The following ANO10 variants were observed in gnomAD, a reference collection of about 807,000 sequenced individuals.
ANO10 encodes anoctamin 10.
In ANO10, 77 loss-of-function variants were observed where a neutral mutation model predicts 74.7. That is an observed-to-expected ratio of 1.03 (90% CI 0.86 to 1.25). ANO10 has a LOEUF of 1.25. Among genes scored for constraint, ANO10 ranks in the 50% most tolerant of loss-of-function variants. ANO10 has a pLI of 0.00. For missense variants in ANO10, 721 were observed against 778.1 expected (o/e 0.93, Z 0.87); for synonymous variants, 279 against 284.9 (o/e 0.98, Z 0.21).
At chr3:43,567,626 C>A (rs1254091926) in intron 7 of ANO10, among the ~76,000 whole-genome samples, 2 of 151,952 alleles carry the variant, frequency 1.3e-5, no homozygotes, top group Non-Finnish European at 2.9e-5. Context: ...TATAGACAAG[C>A]AAATGCTGAG....
intron 1 of ANO10, among the ~76,000 whole-genome samples, chr3:43,655,398 C>A (rs2083837434): frequency 6.6e-6 from 1 of 152,172 alleles, no homozygotes; most frequent in African/African-American, 2.4e-5. Context: ...AGTGTTACAG[C>A]TCATAAAAGC....
At chr3:43,592,796 C>T (rs1437042776) in intron 4 of ANO10, among the ~76,000 whole-genome samples, 2 of 152,152 alleles carry the variant, frequency 1.3e-5, no homozygotes, top group African/African-American at 2.4e-5. Flanking sequence ...TGGGTAATAA[C>T]GAACTTCTCC....
chr3:43,386,534 G>T (rs1037460478), intron 12 of ANO10, among the ~76,000 whole-genome samples: 1 of 152,136 alleles, frequency 6.6e-6, no homozygotes, highest in African/African-American at 2.4e-5. Flanking sequence ...TGTGTGCTGG[G>T]TCTCTGCAGG....
Position 43,375,871 on chromosome 3 carries a change from A to G in ANO10, c.1915-8897T>C, listed in dbSNP as rs2091787325. Among the ~76,000 whole-genome samples, 3 of 152,300 alleles carry G rather than the reference A, an allele frequency of 2.0e-5. No homozygotes were observed. The South Asian group carries it at 6.2e-4, about 32-fold the overall frequency. Reference sequence around the variant, plus strand: ...GCCATATAATATTTTTTGTTTGTTCATTTTTGTTTGTTTTTACAACTTTGT... The same window carrying G: ...GCCATATAATATTTTTTGTTTGTTCGTTTTTGTTTGTTTTTACAACTTTGT... On this transcript the variant is annotated intron_variant, in intron 12 of 12. Transcript: ENST00000292246.
intron 11 of ANO10, among the ~76,000 whole-genome samples, chr3:43,443,684 T>TC (rs2093197431): frequency 6.8e-6 from 1 of 147,272 alleles, no homozygotes. Context: ...TCCTTCTTTT[T>TC]TTTTTTTTTT....
chr3:43,431,877 G>A (rs763598969), intron 12 of ANO10, among the ~76,000 whole-genome samples: 157 of 152,080 alleles, frequency 1.0e-3, no homozygotes, highest in Non-Finnish European at 1.0e-3. Flanking sequence ...CTCCCCAAAT[G>A]TAAGAAGAAA....
intron 11 of ANO10, among the ~76,000 whole-genome samples, chr3:43,467,783 A>G (rs1363267692): frequency 6.6e-6 from 1 of 152,254 alleles, no homozygotes; most frequent in Admixed American, 6.5e-5. Flanking sequence ...CATAAGGTAT[A>G]ATGCAGTGAT....
intron 11 of ANO10, among the ~76,000 whole-genome samples, chr3:43,514,643 G>A (rs1356051257): frequency 1.3e-5 from 2 of 152,152 alleles, no homozygotes; most frequent in African/African-American, 4.8e-5. Context: ...TGTCATTTAT[G>A]GAACATTCTA....
At chr3:43,421,249 G>A (rs1022039165) in intron 12 of ANO10, among the ~76,000 whole-genome samples, 1 of 152,030 alleles carries the variant, frequency 6.6e-6, no homozygotes, top group African/African-American at 2.4e-5. Context: ...GGCTGGGAGC[G>A]GTGGCTCACA....
intron 11 of ANO10, among the ~76,000 whole-genome samples, chr3:43,511,043 T>C (rs937702451): frequency 5.3e-5 from 8 of 152,224 alleles, no homozygotes; most frequent in Non-Finnish European, 1.0e-4. Context: ...ATAGTTTGAT[T>C]AATGTGTCCA....
At chr3:43,437,631 A>G (rs2148955757) in intron 11 of ANO10, among the ~76,000 whole-genome samples, 1 of 152,314 alleles carries the variant, frequency 6.6e-6, no homozygotes, top group Non-Finnish European at 1.5e-5. Flanking sequence ...GACAGATACC[A>G]GAGGCAGAAA....
chr3:43,593,446 G>T (rs1202735457), intron 4 of ANO10, among the ~76,000 whole-genome samples: 1 of 152,176 alleles, frequency 6.6e-6, no homozygotes, highest in African/African-American at 2.4e-5. Flanking sequence ...GAGAGTGGGG[G>T]CCAATATTCA....
At chr3:43,623,765 A>T (rs1244324742), upstream of ANO10, among the ~76,000 whole-genome samples, 1 of 152,214 alleles carries the variant, frequency 6.6e-6, no homozygotes, top group Non-Finnish European at 1.5e-5. Context: ...CTCCGATGCT[A>T]TCATGGCAGC....
chr3:43,665,569 T>G (rs2083980850), intron 1 of ANO10, among the ~76,000 whole-genome samples: 1 of 152,152 alleles, frequency 6.6e-6, no homozygotes, highest in Non-Finnish European at 1.5e-5. Flanking sequence ...TTGGTGATCT[T>G]AAGGCACTTA....
chr3:43,535,423 G>A (rs376692249), intron 11 of ANO10, among the ~76,000 whole-genome samples: 3 of 151,742 alleles, frequency 2.0e-5, no homozygotes, highest in Non-Finnish European at 2.9e-5. Context: ...CTACAGGCAC[G>A]TGCCACCATA....
intron 7 of ANO10, among the ~76,000 whole-genome samples, chr3:43,573,042 T>G (rs866844723): frequency 3.7e-4 from 56 of 151,808 alleles, no homozygotes; most frequent in Middle Eastern, 6.8e-3. Context: ...TCTGGCATCA[T>G]CAGAGAATAA....
intron 1 of ANO10, among the ~76,000 whole-genome samples, chr3:43,620,120 G>C (rs1377071204): frequency 6.6e-6 from 1 of 152,102 alleles, no homozygotes; most frequent in East Asian, 1.9e-4. Context: ...ATATCCATTT[G>C]AGGAACACTG....
intron 1 of ANO10, chr3:43,690,351 G>C (rs1423175076): frequency 6.6e-6 from 1 of 152,350 alleles, no homozygotes. Flanking sequence ...CACCGCGCCC[G>C]GCCAACACCG....
At chr3:43,663,714 C>T (rs182485366) in intron 1 of ANO10, among the ~76,000 whole-genome samples, 1 of 152,272 alleles carries the variant, frequency 6.6e-6, no homozygotes, top group African/African-American at 2.4e-5. Context: ...AATCAATGCG[C>T]AAAAATCACA....
Sources: gnomAD v4.1 joint callset for allele counts (sites outside exome capture counted in the v4.1 genomes callset) on GRCh38, gnomAD v4.1.1 for gene constraint, MANE v1.5 for transcripts, NCBI Gene and HGNC (gene_info 2026-07-23, HGNC 2026-07-21) for gene names.